CNTNAP2: variants seen among roughly 807,000 people sequenced by gnomAD.
The protein encoded by CNTNAP2 is contactin associated protein 2.
In CNTNAP2, 98 loss-of-function variants were observed where a neutral mutation model predicts 155.2. That is an observed-to-expected ratio of 0.63 (90% CI 0.54 to 0.75). The LOEUF (loss-of-function observed/expected upper bound fraction) is 0.75. Among genes scored for constraint, CNTNAP2 ranks in the 30% least tolerant of loss-of-function variants. CNTNAP2 has a pLI of 0.00. For synonymous variants in CNTNAP2, 651 were observed against 631.2 expected, an observed-to-expected ratio of 1.03 and a Z score of -0.47; for missense variants, 1,727 against 1,688.1, an observed-to-expected ratio of 1.02 and a Z score of -0.40.
At chr7:148,143,533 T>C (rs1047584394) in intron 16 of CNTNAP2, among the ~76,000 whole-genome samples, 2 of 151,906 alleles carry the variant, frequency 1.3e-5, no homozygotes, top group Non-Finnish European at 2.9e-5. Flanking sequence ...ACAAAAATTA[T>C]CTAGGTGTGG....
chr7:148,298,147 A>C (rs1427934707), intron 21 of CNTNAP2, among the ~76,000 whole-genome samples: 4 of 152,324 alleles, frequency 2.6e-5, no homozygotes, highest in Admixed American at 2.6e-4. Context: ...ATGTGACCTT[A>C]ATCCTATAAA....
At chr7:147,188,761 G>A (rs1271993119) in intron 8 of CNTNAP2, among the ~76,000 whole-genome samples, 1 of 152,168 alleles carries the variant, frequency 6.6e-6, no homozygotes, top group African/African-American at 2.4e-5. Flanking sequence ...ATGCAGTAGG[G>A]TTTGCATCAT....
At chr7:147,157,640 A>G (rs1303229285) in intron 8 of CNTNAP2, among the ~76,000 whole-genome samples, 1 of 152,078 alleles carries the variant, frequency 6.6e-6, no homozygotes, top group Non-Finnish European at 1.5e-5. Context: ...TTTTAACTCT[A>G]GCACTAATAT....
intron 1 of CNTNAP2, among the ~76,000 whole-genome samples, chr7:146,598,254 C>T (rs1299804628): frequency 1.3e-5 from 2 of 152,006 alleles, no homozygotes; most frequent in Non-Finnish European, 2.9e-5. Flanking sequence ...TTCTGTTTCT[C>T]GATTTTACCT....
intron 13 of CNTNAP2, among the ~76,000 whole-genome samples, chr7:147,770,555 A>G (rs1797453524): frequency 6.6e-6 from 1 of 152,228 alleles, no homozygotes; most frequent in South Asian, 2.1e-4. Context: ...TTACTATCTC[A>G]GAATAGACTT....
At chr7:147,297,646 TTAGTCAG>T (rs1421683205) in intron 8 of CNTNAP2, among the ~76,000 whole-genome samples, 3 of 152,168 alleles carry the variant, frequency 2.0e-5, no homozygotes, top group Non-Finnish European at 4.4e-5. Context: ...CAAAAGGACT[TTAGTCAG>T]TACTTTTCGT....
At chr7:147,680,225 C>T (rs1795927557) in intron 13 of CNTNAP2, among the ~76,000 whole-genome samples, 1 of 151,886 alleles carries the variant, frequency 6.6e-6, no homozygotes, top group Admixed American at 6.6e-5. Flanking sequence ...AGAGAGAAAA[C>T]TTTCCCATCA....
At chr7:147,713,291 A>G (rs571288765) in intron 13 of CNTNAP2, among the ~76,000 whole-genome samples, 84 of 152,270 alleles carry the variant, frequency 5.5e-4, no homozygotes, top group African/African-American at 1.9e-3. Context: ...AACAGTTCGA[A>G]CACCCTAAAT....
At chr7:146,794,632 T>C (rs1448338036) in intron 2 of CNTNAP2, among the ~76,000 whole-genome samples, 1 of 152,178 alleles carries the variant, frequency 6.6e-6, no homozygotes, top group African/African-American at 2.4e-5. Context: ...CCATGGTGTC[T>C]GTTGTATGTA....
intron 6 of CNTNAP2, chr7:147,122,220 T>A (rs1469445888): frequency 1.3e-5 from 2 of 151,424 alleles, no homozygotes; most frequent in Non-Finnish European, 2.9e-5. Flanking sequence ...GTATTATACA[T>A]CCTAGGAGAA....
intron 3 of CNTNAP2, among the ~76,000 whole-genome samples, chr7:147,035,966 A>G (rs1244368952): frequency 6.6e-6 from 1 of 152,210 alleles, no homozygotes; most frequent in East Asian, 1.9e-4. Flanking sequence ...AGTGATTACA[A>G]AATACTTTTC....
intron 9 of CNTNAP2, among the ~76,000 whole-genome samples, chr7:147,331,309 C>T (rs997780813): frequency 2.0e-5 from 3 of 152,028 alleles, no homozygotes; most frequent in Admixed American, 2.0e-4. Flanking sequence ...ACTAGTAGAA[C>T]GGTTCTATCA....
chr7:147,783,323 T>C (rs1234969642), intron 13 of CNTNAP2, among the ~76,000 whole-genome samples: 1 of 152,130 alleles, frequency 6.6e-6, no homozygotes, highest in Non-Finnish European at 1.5e-5. Flanking sequence ...TTCATTGTTG[T>C]TTGTGAATTT....
At chr7:146,213,249 C>A (rs1799063140) in intron 1 of CNTNAP2, among the ~76,000 whole-genome samples, 1 of 152,068 alleles carries the variant, frequency 6.6e-6, no homozygotes, top group African/African-American at 2.4e-5. Flanking sequence ...TTAAAAGAAG[C>A]TTTCTTTATA....
At chr7:146,545,061 T>C (rs1276292384) in intron 1 of CNTNAP2, among the ~76,000 whole-genome samples, 7 of 151,878 alleles carry the variant, frequency 4.6e-5, no homozygotes, top group Non-Finnish European at 8.8e-5. Flanking sequence ...TCAAGGTATC[T>C]TTGGGGTAGT....
chr7:147,236,487 C>A (rs1803807598), intron 8 of CNTNAP2, among the ~76,000 whole-genome samples: 1 of 151,636 alleles, frequency 6.6e-6, no homozygotes, highest in South Asian at 2.1e-4. Context: ...TGTATCTGAT[C>A]ATTCCAATTT....
At chr7:146,381,531 G>GT in intron 1 of CNTNAP2, among the ~76,000 whole-genome samples, 1 of 152,114 alleles carries the variant, frequency 6.6e-6, no homozygotes, top group South Asian at 2.1e-4. Flanking sequence ...ACCTTGTAAG[G>GT]TTTTTATGGG....
chr7:148,328,044 A>G (rs1329835471), intron 21 of CNTNAP2, among the ~76,000 whole-genome samples: 11 of 152,232 alleles, frequency 7.2e-5, no homozygotes, highest in Admixed American at 7.2e-4. Flanking sequence ...TTCCATCAGC[A>G]TCTTATTCCA....
chr7:147,736,713 G>A (rs1251336063), intron 13 of CNTNAP2, among the ~76,000 whole-genome samples: 1 of 152,126 alleles, frequency 6.6e-6, no homozygotes, highest in Non-Finnish European at 1.5e-5. Context: ...TGGAGGCTTT[G>A]TTCGTTTCTT....
Sources: allele counts gnomAD v4.1 joint callset (sites outside exome capture counted in the v4.1 genomes callset), GRCh38; gene constraint gnomAD v4.1.1; transcripts MANE v1.5; gene names NCBI Gene and HGNC (gene_info 2026-07-23, HGNC 2026-07-21).